FAF1: variants seen among roughly 807,000 people sequenced by gnomAD.
The protein encoded by FAF1 is FAS-associated factor 1.
A neutral mutation model predicts 92.5 loss-of-function variants in FAF1; 25 were observed. The observed-to-expected ratio is 0.27, with a 90% CI of 0.20 to 0.38. The LOEUF is 0.38. Among genes scored for constraint, FAF1 ranks in the 10% least tolerant of loss-of-function variants. FAF1 has a pLI of 1.00. For missense variants in FAF1, 636 were observed against 793.3 expected, an observed-to-expected ratio of 0.80 and a Z score of 2.38; for synonymous variants, 234 against 273.2, an observed-to-expected ratio of 0.86 and a Z score of 1.42.
Position 50,490,474 on chromosome 1 carries a change from GAAGGAAGGAAGGAAGGA to G in FAF1, c.1653+97_1653+113del, listed in dbSNP as rs777165985. On this transcript the variant is annotated intron_variant, in intron 17 of 18. Coordinates refer to ENST00000396153, the MANE Select transcript of FAF1 (RefSeq NM_007051.3). ...AAGGAAGGAAGGAAAAAGAAAGAAG[GAAGGAAGGAAGGAAGGA>G]AAGGAAGGAAGGAAGGAAGGAAGGA... 318 of 611,218 alleles carry G rather than the reference GAAGGAAGGAAGGAAGGA, an allele frequency of 5.2e-4. 7 individuals carry two copies. Among genetic ancestry groups the G allele is most frequent in the Non-Finnish European group, 7.9e-4 (267 of 338,730 alleles). 37.9% of individuals were successfully genotyped at this position (611,218 alleles called of 1,614,324 possible).
chr1:50,742,486 C>T (rs1000088256), intron 5 of FAF1, among the ~76,000 whole-genome samples: 1 of 152,048 alleles, frequency 6.6e-6, no homozygotes, highest in Non-Finnish European at 1.5e-5. Flanking sequence ...CAGGTTCAAG[C>T]GATTCTTGTG....
chr1:50,793,668 A>G (rs1661642812), intron 3 of FAF1, among the ~76,000 whole-genome samples: 1 of 152,200 alleles, frequency 6.6e-6, no homozygotes, highest in African/African-American at 2.4e-5. Flanking sequence ...TGGGACGTGC[A>G]TTTTGCTTTC....
chr1:50,610,459 G>A (rs908711909), intron 8 of FAF1, among the ~76,000 whole-genome samples: 24 of 152,162 alleles, frequency 1.6e-4, no homozygotes, highest in African/African-American at 5.8e-4. Context: ...AAAAACAAAT[G>A]CATGTTTTTC....
chr1:50,445,439 T>G (rs1033369412), intron 18 of FAF1, among the ~76,000 whole-genome samples: 3 of 152,202 alleles, frequency 2.0e-5, no homozygotes, highest in Admixed American at 2.0e-4. Context: ...TGGAACCCGC[T>G]ACATTACATT....
intron 7 of FAF1, among the ~76,000 whole-genome samples, chr1:50,691,519 G>A (rs558082989): frequency 6.6e-6 from 1 of 152,166 alleles, no homozygotes; most frequent in Non-Finnish European, 1.5e-5. Context: ...TGGGATTACC[G>A]GCATGAACCA....
At chr1:50,880,177 G>A (rs1417695481) in intron 1 of FAF1, among the ~76,000 whole-genome samples, 1 of 152,106 alleles carries the variant, frequency 6.6e-6, no homozygotes, top group African/African-American at 2.4e-5. Flanking sequence ...TAAGGAGCAT[G>A]CTTTCATGAA....
intron 9 of FAF1, among the ~76,000 whole-genome samples, chr1:50,586,463 T>C (rs941753989): frequency 2.0e-5 from 3 of 152,216 alleles, no homozygotes; most frequent in African/African-American, 7.2e-5. Context: ...TCCTTGGGCA[T>C]ACCCAAGCAT....
intron 7 of FAF1, among the ~76,000 whole-genome samples, chr1:50,695,056 T>G (rs1053528582): frequency 3.9e-5 from 6 of 152,148 alleles, no homozygotes. Context: ...AAACAAAATT[T>G]TCTATTCATC....
chr1:50,749,671 C>G (rs956417080), intron 4 of FAF1, among the ~76,000 whole-genome samples: 1 of 151,880 alleles, frequency 6.6e-6, no homozygotes, highest in Admixed American at 6.6e-5. Flanking sequence ...GCATGTAGTC[C>G]CAGCTATTCA....
intron 7 of FAF1, among the ~76,000 whole-genome samples, chr1:50,682,751 G>C (rs1231539673): frequency 6.6e-6 from 1 of 152,098 alleles, no homozygotes; most frequent in Non-Finnish European, 1.5e-5. Context: ...ATAAAACTGA[G>C]AACTTCAGGG....
intron 1 of FAF1, among the ~76,000 whole-genome samples, chr1:50,922,091 C>T (rs531821390): frequency 2.0e-5 from 3 of 150,160 alleles, no homozygotes; most frequent in African/African-American, 7.4e-5. Flanking sequence ...GCTTAGAACC[C>T]GGGAGGCAGA....
intron 16 of FAF1, 100 bp downstream of exon 16, chr1:50,491,621 A>G: frequency 3.9e-6 from 3 of 771,884 alleles, no homozygotes; most frequent in East Asian, 2.5e-5. Flanking sequence ...AGCTTTCTCT[A>G]TTGCAAACCC....
At chr1:50,947,374 T>C (rs1645179304) in intron 1 of FAF1, among the ~76,000 whole-genome samples, 1 of 152,206 alleles carries the variant, frequency 6.6e-6, no homozygotes, top group Admixed American at 6.5e-5. Context: ...AACTCCTCCT[T>C]CTTCCTTTAC....
intron 1 of FAF1, among the ~76,000 whole-genome samples, chr1:50,953,719 A>C (rs1645239673): frequency 6.6e-6 from 1 of 152,020 alleles, no homozygotes; most frequent in African/African-American, 2.4e-5. Flanking sequence ...AGCCTGGGCA[A>C]CAAAAGCGAA....
chr1:50,539,807 G>T, intron 13 of FAF1, 79 bp from the exon 14 acceptor site: 1 of 1,008,228 alleles, frequency 9.9e-7, no homozygotes, highest in Non-Finnish European at 1.5e-6. Context: ...AGAACTCATT[G>T]TGTTATTAGT....
intron 3 of FAF1, among the ~76,000 whole-genome samples, chr1:50,791,489 T>C (rs1569954509): frequency 6.6e-6 from 1 of 152,128 alleles, no homozygotes; most frequent in African/African-American, 2.4e-5. Flanking sequence ...GGGAGGAGAT[T>C]AGTAGAGATT....
intron 8 of FAF1, among the ~76,000 whole-genome samples, chr1:50,640,476 A>C (rs1256060291): frequency 6.6e-6 from 1 of 151,784 alleles, no homozygotes; most frequent in African/African-American, 2.4e-5. Context: ...TTGTATTTTT[A>C]GTAGAGACAA....
At chr1:50,705,358 T>C (rs534625575) in intron 7 of FAF1, among the ~76,000 whole-genome samples, 3 of 152,324 alleles carry the variant, frequency 2.0e-5, no homozygotes, top group Non-Finnish European at 4.4e-5. Flanking sequence ...AGGATGGAGC[T>C]GCTTAAGAAA....
At chr1:50,931,424 C>G (rs750714556) in intron 1 of FAF1, among the ~76,000 whole-genome samples, 3 of 151,800 alleles carry the variant, frequency 2.0e-5, no homozygotes, top group Non-Finnish European at 4.4e-5. Flanking sequence ...ATTGGACTTA[C>G]AGTTCCACAT....
Sources: allele counts gnomAD v4.1 joint callset (sites outside exome capture counted in the v4.1 genomes callset), GRCh38; gene constraint gnomAD v4.1.1; transcripts MANE v1.5; gene names NCBI Gene and HGNC (gene_info 2026-07-23, HGNC 2026-07-21).